Variants in CTNND2 observed in about 807,000 individuals in gnomAD.
The protein encoded by CTNND2 is catenin delta-2.
Under a neutral mutation model 144.4 loss-of-function variants are expected in CTNND2, and 22 were observed. That is an observed-to-expected ratio of 0.15 (90% confidence interval 0.11 to 0.22). CTNND2 has a LOEUF of 0.22. Ranked by LOEUF, CTNND2 falls within the 10% of genes least tolerant of loss-of-function variation. The probability of loss-of-function intolerance (pLI) is 1.00; values close to 1 mark genes in which losing one functional copy is unlikely to be tolerated. For missense variants in CTNND2, 1,353 were observed against 1,618.8 expected (o/e 0.84, Z 2.82); for synonymous variants, 751 against 695.6 (o/e 1.08, Z -1.25).
intron 9 of CTNND2, among the ~76,000 whole-genome samples, chr5:11,275,928 C>T (rs1484850057): frequency 6.6e-6 from 1 of 152,166 alleles, no homozygotes; most frequent in Admixed American, 6.5e-5. Flanking sequence ...TTTTAATTCC[C>T]AAGTCATTCA....
chr5:11,228,044 A>G (rs1029286998), intron 10 of CTNND2, among the ~76,000 whole-genome samples: 5 of 152,048 alleles, frequency 3.3e-5, no homozygotes, highest in African/African-American at 1.2e-4. Context: ...AACACATGGT[A>G]TTAGAATGCC....
chr5:10,974,823 C>T (rs981305308), intron 21 of CTNND2, among the ~76,000 whole-genome samples: 15 of 152,194 alleles, frequency 9.9e-5, no homozygotes, highest in East Asian at 1.9e-4. Flanking sequence ...GTAATTAGCA[C>T]GTTGTGTGTA....
In CTNND2 at chr5:11,518,841, G is replaced by A. The variant is rs575182554; in HGVS notation, c.287+46103C>T. On this transcript the variant is annotated intron_variant, in intron 3 of 21. Transcript: ENST00000304623. ...GGTCTGTGTAGGTACACTCTACGAT[G>A]TTCACACAATGACAGAATTGCCTAA... Among the ~76,000 whole-genome samples the A allele has an allele frequency of 5.3e-5, 8 of 152,234 alleles. No individual in the cohort carries two copies. The South Asian group carries it at 1.7e-3, about 32-fold the overall frequency.
intron 11 of CTNND2, among the ~76,000 whole-genome samples, chr5:11,168,872 A>G (rs1338335074): frequency 6.6e-6 from 1 of 152,162 alleles, no homozygotes; most frequent in South Asian, 2.1e-4. Context: ...TACCCCCACT[A>G]TCTGATTAAA....
chr5:11,724,372 A>C (rs1462910768), intron 2 of CTNND2, among the ~76,000 whole-genome samples: 1 of 152,228 alleles, frequency 6.6e-6, no homozygotes, highest in Non-Finnish European at 1.5e-5. Flanking sequence ...TACACTCTAG[A>C]TGATTCATTT....
chr5:11,408,115 T>A (rs929256154), intron 5 of CTNND2, among the ~76,000 whole-genome samples: 1 of 152,146 alleles, frequency 6.6e-6, no homozygotes, highest in Non-Finnish European at 1.5e-5. Flanking sequence ...GGTAAGGGCA[T>A]CTGTCTTCCA....
intron 3 of CTNND2, among the ~76,000 whole-genome samples, chr5:11,464,052 A>G (rs1221358240): frequency 6.6e-6 from 1 of 152,198 alleles, no homozygotes; most frequent in Non-Finnish European, 1.5e-5. Flanking sequence ...CCAAGAGTTC[A>G]TCTAAGTGAT....
intron 15 of CTNND2, among the ~76,000 whole-genome samples, chr5:11,094,225 T>C (rs1751073914): frequency 6.6e-6 from 1 of 152,114 alleles, no homozygotes; most frequent in Non-Finnish European, 1.5e-5. Context: ...ACTTTAACCA[T>C]TGGGATGGAA....
intron 10 of CTNND2, among the ~76,000 whole-genome samples, chr5:11,235,140 G>A (rs144206709): frequency 1.6e-4 from 25 of 152,150 alleles, no homozygotes; most frequent in Non-Finnish European, 2.8e-4. Flanking sequence ...CCACTTCGGC[G>A]GGGCACTACA....
intron 2 of CTNND2, among the ~76,000 whole-genome samples, chr5:11,729,235 A>G (rs2126735674): frequency 6.6e-6 from 1 of 151,806 alleles, no homozygotes; most frequent in East Asian, 1.9e-4. Flanking sequence ...TGAATAATAC[A>G]TTTTTTAATT....
At chr5:11,891,166 T>C (rs1736928203) in intron 1 of CTNND2, among the ~76,000 whole-genome samples, 1 of 152,236 alleles carries the variant, frequency 6.6e-6, no homozygotes, top group Admixed American at 6.5e-5. Context: ...TGGAATGCCA[T>C]ATGTTAATAA....
rs1554126308 is a variant in CTNND2, at chr5:11,818,004, T to TTTTTC, written c.38-85733_38-85732insGAAAA. On this transcript the variant is annotated intron_variant, in intron 1 of 21. Coordinates refer to ENST00000304623, the MANE Select transcript of CTNND2 (RefSeq NM_001332.4). ...GTGTTTTTTTTTTTTTTTTTTTTTTTCAGTTCTCCTCCATCCAATATCAAA... is the reference window on the plus strand; with the variant it reads ...GTGTTTTTTTTTTTTTTTTTTTTTTTTTTTCCAGTTCTCCTCCATCCAATATCAAA... Among the ~76,000 whole-genome samples the TTTTTC allele has an allele frequency of 6.1e-3, 564 of 93,168 alleles. 35 individuals are homozygous for TTTTTC. Among genetic ancestry groups the TTTTTC allele is most frequent in the East Asian group, 9.7e-3 (26 of 2,688 alleles). 61.1% of individuals were successfully genotyped at this position (93,168 alleles called of 152,430 possible).
intron 2 of CTNND2, among the ~76,000 whole-genome samples, chr5:11,616,931 T>A (rs1027342810): frequency 6.6e-6 from 1 of 152,130 alleles, no homozygotes; most frequent in African/African-American, 2.4e-5. Flanking sequence ...TTTTTGCCAA[T>A]CTCTTTGTTC....
intron 9 of CTNND2, among the ~76,000 whole-genome samples, chr5:11,251,160 C>A (rs1030928056): frequency 6.6e-6 from 1 of 152,098 alleles, no homozygotes; most frequent in African/African-American, 2.4e-5. Flanking sequence ...CGGAGTGTTT[C>A]GGCTGCTTGA....
intron 2 of CTNND2, among the ~76,000 whole-genome samples, chr5:11,616,046 T>C (rs1341527782): frequency 1.3e-5 from 2 of 152,210 alleles, no homozygotes; most frequent in Non-Finnish European, 2.9e-5. Flanking sequence ...TTCTGACTTC[T>C]CTCTCTTGGT....
At chr5:11,809,204 C>A (rs1391204711) in intron 1 of CTNND2, among the ~76,000 whole-genome samples, 2 of 152,270 alleles carry the variant, frequency 1.3e-5, no homozygotes, top group East Asian at 3.9e-4. Context: ...AACTGAATAT[C>A]AGATTCTAGT....
chr5:11,681,510 T>C (rs927026942), intron 2 of CTNND2, among the ~76,000 whole-genome samples: 1 of 152,176 alleles, frequency 6.6e-6, no homozygotes, highest in African/African-American at 2.4e-5. Flanking sequence ...GCTTCTATTG[T>C]GCATGTGCTG....
intron 11 of CTNND2, among the ~76,000 whole-genome samples, chr5:11,199,074 T>C (rs943100742): frequency 4.6e-5 from 7 of 152,194 alleles, no homozygotes; most frequent in Admixed American, 2.0e-4. Context: ...TTAAACACAC[T>C]AGAAACCAGA....
chr5:11,204,745 T>C (rs1452707713), intron 10 of CTNND2, among the ~76,000 whole-genome samples: 2 of 152,176 alleles, frequency 1.3e-5, no homozygotes. Context: ...ATAATGATGA[T>C]GTATAGTGGA....
Sources: gnomAD v4.1 joint callset for allele counts (sites outside exome capture counted in the v4.1 genomes callset) on GRCh38, gnomAD v4.1.1 for gene constraint, MANE v1.5 for transcripts, NCBI Gene and HGNC (gene_info 2026-07-23, HGNC 2026-07-21) for gene names.